CARMIL1: variants seen among roughly 807,000 people sequenced by gnomAD.
The protein encoded by CARMIL1 is F-actin-uncapping protein LRRC16A.
CARMIL1 carries 90 observed loss-of-function variants against 177.1 expected under a neutral mutation model. That is an observed-to-expected ratio of 0.51 (90% CI 0.43 to 0.61). The LOEUF (loss-of-function observed/expected upper bound fraction) is 0.61. Ranked by LOEUF, CARMIL1 falls within the 20% of genes least tolerant of loss-of-function variation. The probability of loss-of-function intolerance (pLI) is 0.00; values close to 1 mark genes in which losing one functional copy is unlikely to be tolerated. For missense variants in CARMIL1, 1,380 were observed against 1,667.0 expected, an observed-to-expected ratio of 0.83 and a Z score of 3.00; for synonymous variants, 577 against 606.2, an observed-to-expected ratio of 0.95 and a Z score of 0.71.
intron 29 of CARMIL1, among the ~76,000 whole-genome samples, chr6:25,564,132 T>G (rs1811359619): frequency 6.6e-6 from 1 of 152,196 alleles, no homozygotes; most frequent in Non-Finnish European, 1.5e-5. Flanking sequence ...ATATATGTCT[T>G]AGGAATAGGT....
At chr6:25,407,571 G>A (rs902000080) in intron 2 of CARMIL1, among the ~76,000 whole-genome samples, 2 of 152,136 alleles carry the variant, frequency 1.3e-5, no homozygotes, top group Admixed American at 6.5e-5. Context: ...TGAAGGGAAC[G>A]GAATCAGGTT....
At chr6:25,450,046 C>G in intron 6 of CARMIL1, 51 bp downstream of exon 6, 1 of 1,444,136 alleles carries the variant, frequency 6.9e-7, no homozygotes, top group East Asian at 2.3e-5. Context: ...GGATATCCCC[C>G]TGCCAGGAAG....
chr6:25,506,246 C>G (rs1804899432), intron 17 of CARMIL1, among the ~76,000 whole-genome samples: 1 of 152,154 alleles, frequency 6.6e-6, no homozygotes. Flanking sequence ...CTGTTTGCAC[C>G]TTGAAAATGA....
intron 2 of CARMIL1, among the ~76,000 whole-genome samples, chr6:25,317,561 A>ATTTT (rs1784373655): frequency 2.8e-5 from 2 of 71,602 alleles, no homozygotes; most frequent in South Asian, 5.6e-4. Context: ...TTTACTTAGG[A>ATTTT]CTTTTTTTTT....
At chr6:25,502,699 T>C (rs990448561) in intron 17 of CARMIL1, among the ~76,000 whole-genome samples, 6 of 152,190 alleles carry the variant, frequency 3.9e-5, no homozygotes, top group Non-Finnish European at 8.8e-5. Flanking sequence ...AGTTCTGTGA[T>C]AAAGCTGGGA....
intron 2 of CARMIL1, among the ~76,000 whole-genome samples, chr6:25,415,202 AC>A (rs1415151528): frequency 1.3e-5 from 2 of 151,210 alleles, no homozygotes; most frequent in Admixed American, 6.6e-5. Context: ...TTGCTCTGTC[AC>A]CCAGGCTGGG....
At chr6:25,377,075 T>G (rs1791061382) in intron 2 of CARMIL1, among the ~76,000 whole-genome samples, 3 of 152,208 alleles carry the variant, frequency 2.0e-5, no homozygotes, top group Admixed American at 1.3e-4. Flanking sequence ...CATCCAAGCT[T>G]GAACCTAGGG....
At position 25,604,881 on chromosome 6, in the gene CARMIL1, G is replaced by T; in HGVS notation, c.3622G>T (p.Gly1208Ter). The change falls in exon 34 of 37, where the codon GGA (glycine) becomes TGA (stop). Residue 1208 changes from glycine to a stop codon, truncating the protein, a stop_gained. Transcript: ENST00000329474. LOFTEE classifies it high-confidence loss of function. ...PALSGVERSDGGGAVPKLHPG... is the reference protein window; with the variant it reads ...PALSGVERSD ...TTTGAGCGGCGTAGAACGGTCGGAT[G>T]GAGGTGGGGCAGGTAAGTCAGGCCA... The T allele has an allele frequency of 6.3e-7, 1 of 1,594,324 alleles. No homozygotes were observed.
intron 2 of CARMIL1, among the ~76,000 whole-genome samples, chr6:25,313,239 G>C (rs748796098): frequency 3.3e-5 from 5 of 152,166 alleles, no homozygotes; most frequent in Non-Finnish European, 7.4e-5. Context: ...TTGCAAGATG[G>C]GTGACCTGAA....
intron 8 of CARMIL1, among the ~76,000 whole-genome samples, chr6:25,464,889 C>T (rs1467102891): frequency 6.6e-6 from 1 of 151,982 alleles, no homozygotes; most frequent in Non-Finnish European, 1.5e-5. Context: ...AGATGAGTAA[C>T]AAGTTGTCAG....
At position 25,390,293 on chromosome 6, in the gene CARMIL1, C is replaced by CATATATATATATATATATAT. The variant is rs397887367; in HGVS notation, c.139-29812_139-29793dup. On this transcript the variant is annotated intron_variant, in intron 2 of 36. Transcript: ENST00000329474. ...ATATATAGGTACACATATATATTTA[C>CATATATATATATATATATAT]ATATATATATATATATATATATATA... 3.8e-4 allele frequency among the ~76,000 whole-genome samples: 32 copies of CATATATATATATATATATAT among 84,852 alleles called. 1 individual carries two copies. Among genetic ancestry groups the CATATATATATATATATATAT allele is most frequent in the Non-Finnish European group, 5.0e-4 (22 of 43,648 alleles). The allele number at this position is 84,852 out of a possible 152,430, so 55.7% of individuals were successfully genotyped here. A position where few individuals can be genotyped will look rare whatever the true frequency, so the allele number is the denominator to read the frequency against.
At chr6:25,595,883 T>A (rs1390907476) in intron 32 of CARMIL1, among the ~76,000 whole-genome samples, 5 of 152,330 alleles carry the variant, frequency 3.3e-5, no homozygotes, top group Admixed American at 2.0e-4. Flanking sequence ...TGGGCCTTAT[T>A]TTGTTATAGC....
chr6:25,283,111 C>T (rs1485625132), intron 1 of CARMIL1, among the ~76,000 whole-genome samples: 1 of 152,138 alleles, frequency 6.6e-6, no homozygotes, highest in East Asian at 1.9e-4. Context: ...ATAATAGATA[C>T]ACAATCCTAG....
At chr6:25,560,068 A>G (rs993006109) in intron 29 of CARMIL1, among the ~76,000 whole-genome samples, 13 of 152,220 alleles carry the variant, frequency 8.5e-5, no homozygotes, top group African/African-American at 3.1e-4. Context: ...TTCATCACTT[A>G]GTCAACAACA....
intron 34 of CARMIL1, among the ~76,000 whole-genome samples, chr6:25,605,747 G>A (rs1026380081): frequency 7.9e-5 from 12 of 152,180 alleles, no homozygotes; most frequent in African/African-American, 2.7e-4. Flanking sequence ...TCAAGTGCAT[G>A]AAGAACCACT....
At chr6:25,496,625 T>C (rs1803750792) in intron 16 of CARMIL1, among the ~76,000 whole-genome samples, 1 of 152,154 alleles carries the variant, frequency 6.6e-6, no homozygotes, top group Non-Finnish European at 1.5e-5. Flanking sequence ...ATTTGGCCGT[T>C]TGTATGGATA....
intron 31 of CARMIL1, among the ~76,000 whole-genome samples, chr6:25,586,275 C>T (rs1401429157): frequency 5.3e-5 from 8 of 150,458 alleles, no homozygotes; most frequent in Middle Eastern, 3.5e-3. Flanking sequence ...ACCTCCCAGA[C>T]GGGGTGGCGG....
At chr6:25,523,148 G>A (rs1386844534) in intron 23 of CARMIL1, among the ~76,000 whole-genome samples, 1 of 152,126 alleles carries the variant, frequency 6.6e-6, no homozygotes, top group Admixed American at 6.5e-5. Context: ...TATGATTGGA[G>A]ATGAGAGAGA....
At chr6:25,403,436 T>A (rs1417810551) in intron 2 of CARMIL1, among the ~76,000 whole-genome samples, 1 of 152,174 alleles carries the variant, frequency 6.6e-6, no homozygotes, top group Non-Finnish European at 1.5e-5. Context: ...GAGATTGGCC[T>A]TCAGGGCAAT....
Sources: gnomAD v4.1 joint callset for allele counts (sites outside exome capture counted in the v4.1 genomes callset) on GRCh38, gnomAD v4.1.1 for gene constraint, MANE v1.5 for transcripts, NCBI Gene and HGNC (gene_info 2026-07-23, HGNC 2026-07-21) for gene names.